Variants in CNBD1 observed in about 807,000 individuals in gnomAD.
The protein encoded by CNBD1 is cyclic nucleotide-binding domain-containing protein 1.
Under a neutral mutation model 54.4 loss-of-function variants are expected in CNBD1, and 71 were observed. That is an observed-to-expected ratio of 1.30 (90% confidence interval 1.08 to 1.59). CNBD1 has a LOEUF of 1.59. CNBD1 is among the 40% of genes most tolerant of loss of function. CNBD1 has a pLI of 0.00. For synonymous variants in CNBD1, 182 were observed against 170.7 expected (o/e 1.07, Z -0.51); for missense variants, 659 against 518.0 (o/e 1.27, Z -2.64).
intron 10 of CNBD1, among the ~76,000 whole-genome samples, chr8:87,360,137 G>A (rs948465561): frequency 2.0e-5 from 3 of 151,968 alleles, no homozygotes; most frequent in South Asian, 2.1e-4. Context: ...CCCAAAGAGA[G>A]CAATTCACTC....
intron 8 of CNBD1, among the ~76,000 whole-genome samples, chr8:87,331,523 A>G (rs1218604115): frequency 6.6e-6 from 1 of 152,170 alleles, no homozygotes; most frequent in Non-Finnish European, 1.5e-5. Flanking sequence ...CAATAAACAT[A>G]TGTGTGCATG....
chr8:87,291,754 G>C (rs1007653351), intron 8 of CNBD1, among the ~76,000 whole-genome samples: 1 of 152,062 alleles, frequency 6.6e-6, no homozygotes, highest in Non-Finnish European at 1.5e-5. Flanking sequence ...GAGTAGCTGA[G>C]ACTAAAGGCA....
intron 4 of CNBD1, among the ~76,000 whole-genome samples, chr8:86,996,897 A>C (rs551819850): frequency 6.6e-6 from 1 of 152,204 alleles, no homozygotes; most frequent in Non-Finnish European, 1.5e-5. Flanking sequence ...GACCAGCTTT[A>C]TAATTCATAG....
In CNBD1 at chr8:87,391,593, G is replaced by A. The variant is rs183546106; in HGVS notation, c.214-36953G>A. On this transcript the variant is annotated intron_variant, in intron 2 of 7. Coordinates refer to the CNBD1 transcript ENST00000521593. ...GACAGGTTGCTGAGATAATTCAATA[G>A]GGGAAGAATAATCTTTTCAACAAAT... 1.6e-3 allele frequency among the ~76,000 whole-genome samples: 246 copies of A among 152,098 alleles called. 1 individual carries two copies. The highest frequency in any genetic ancestry group is 5.7e-3 in the African/African-American group (237 of 41,536).
At chr8:87,364,189 C>A (rs559779555) in intron 10 of CNBD1, among the ~76,000 whole-genome samples, 6 of 151,338 alleles carry the variant, frequency 4.0e-5, no homozygotes, top group Admixed American at 1.3e-4. Context: ...GAGATTATCT[C>A]AAAAAATATT....
Position 87,382,809 on chromosome 8 carries a change from T to A in CNBD1, c.*182T>A. Reference sequence around the variant, plus strand: ...TTTCAAACACAGTTTTTATTAGCAGTCTTTCTTGGTTTGGATACTAAAATA... The same window carrying A: ...TTTCAAACACAGTTTTTATTAGCAGACTTTCTTGGTTTGGATACTAAAATA... On this transcript the variant is annotated 3_prime_UTR_variant, in exon 11 of 11. Transcript: ENST00000518476. 1 of 452,552 alleles carries A rather than the reference T, an allele frequency of 2.2e-6. No homozygotes were observed. Among genetic ancestry groups the A allele is most frequent in the Non-Finnish European group, 4.0e-6 (1 of 252,362 alleles). The allele number at this position is 452,552 out of a possible 1,614,324, so 28.0% of individuals were successfully genotyped here.
At chr8:87,210,711 G>T (rs1814078940) in intron 5 of CNBD1, among the ~76,000 whole-genome samples, 1 of 152,140 alleles carries the variant, frequency 6.6e-6, no homozygotes, top group Non-Finnish European at 1.5e-5. Context: ...AGTGAAGAAG[G>T]CTTGGCAGCC....
At chr8:87,410,783 A>G (rs1343644858) in intron 2 of CNBD1, among the ~76,000 whole-genome samples, 2 of 152,066 alleles carry the variant, frequency 1.3e-5, no homozygotes, top group Non-Finnish European at 2.9e-5. Flanking sequence ...TCATTGTTGC[A>G]TTGTTGTCGT....
At chr8:87,342,843 A>T (rs952791596) in intron 8 of CNBD1, among the ~76,000 whole-genome samples, 1 of 152,150 alleles carries the variant, frequency 6.6e-6, no homozygotes, top group Non-Finnish European at 1.5e-5. Flanking sequence ...TCCATGTCCC[A>T]CTGTGCACGC....
chr8:87,254,989 T>TA (rs1450417155), intron 6 of CNBD1, among the ~76,000 whole-genome samples: 2 of 151,802 alleles, frequency 1.3e-5, no homozygotes, highest in Non-Finnish European at 2.9e-5. Flanking sequence ...TGATTTTTTT[T>TA]AAAAAAGATT....
chr8:87,132,751 A>G (rs1034556828), intron 4 of CNBD1, among the ~76,000 whole-genome samples: 1 of 147,516 alleles, frequency 6.8e-6, no homozygotes, highest in Non-Finnish European at 1.5e-5. Flanking sequence ...GTTCATTTGC[A>G]TATATATGGA....
intron 1 of CNBD1, among the ~76,000 whole-genome samples, chr8:86,871,816 G>A (rs1263936014): frequency 6.6e-6 from 1 of 152,126 alleles, no homozygotes; most frequent in African/African-American, 2.4e-5. Flanking sequence ...GCCCTCTTTG[G>A]CCACCTATAT....
At chr8:87,230,387 T>C (rs1050763241) in intron 5 of CNBD1, among the ~76,000 whole-genome samples, 1 of 152,170 alleles carries the variant, frequency 6.6e-6, no homozygotes, top group African/African-American at 2.4e-5. Context: ...AAAACTAACA[T>C]ACATTTGTAG....
rs1430683333 is a variant in CNBD1, at chr8:87,279,841, A to G, written c.772-4837A>G. Among the ~76,000 whole-genome samples the G allele has an allele frequency of 3.3e-5, 5 of 151,532 alleles. No individual in the cohort carries two copies. The East Asian group carries it at 7.7e-4, about 23-fold the overall frequency. On this transcript the variant is annotated intron_variant, in intron 6 of 10. Transcript: ENST00000518476. ...AAGGATTGAAAAATAATATATTTAT[A>G]TATGTATGAGGGACATAATAGGAAG...
At chr8:87,157,000 A>T (rs1036596878) in intron 4 of CNBD1, among the ~76,000 whole-genome samples, 2 of 152,194 alleles carry the variant, frequency 1.3e-5, no homozygotes, top group African/African-American at 4.8e-5. Flanking sequence ...TCTAAGGCAC[A>T]GAGCTAAATG....
At chr8:87,132,920 A>G (rs190397242) in intron 4 of CNBD1, among the ~76,000 whole-genome samples, 43 of 151,140 alleles carry the variant, frequency 2.8e-4, no homozygotes, top group African/African-American at 9.7e-4. Flanking sequence ...CAAGTCACTC[A>G]GGTTCTATGA....
chr8:87,366,544 T>A (rs1056744385), intron 10 of CNBD1, among the ~76,000 whole-genome samples: 4 of 152,232 alleles, frequency 2.6e-5, no homozygotes, highest in African/African-American at 7.2e-5. Context: ...CCCACCCAGA[T>A]AACCTGCCTA....
At chr8:87,272,071 G>T (rs1808378798) in intron 6 of CNBD1, among the ~76,000 whole-genome samples, 1 of 151,858 alleles carries the variant, frequency 6.6e-6, no homozygotes, top group African/African-American at 2.4e-5. Flanking sequence ...GTAGGCTGGT[G>T]GTTATCAGAG....
At chr8:86,964,217 G>C (rs1016352564) in intron 4 of CNBD1, among the ~76,000 whole-genome samples, 1 of 7,106 alleles carries the variant, frequency 1.4e-4, no homozygotes, top group Non-Finnish European at 2.7e-4. Flanking sequence ...GTCTACCATG[G>C]ATAGCCCAGT....
Sources: gnomAD v4.1 joint callset for allele counts (sites outside exome capture counted in the v4.1 genomes callset) on GRCh38, gnomAD v4.1.1 for gene constraint, MANE v1.5 for transcripts, NCBI Gene and HGNC (gene_info 2026-07-23, HGNC 2026-07-21) for gene names.